TVP23A: variants seen among roughly 807,000 people sequenced by gnomAD.
TVP23A encodes the protein Golgi apparatus membrane protein TVP23 homolog A.
A neutral mutation model predicts 31.7 loss-of-function variants in TVP23A; 21 were observed. The observed-to-expected ratio is 0.66, with a 90% CI of 0.47 to 0.95. TVP23A has a LOEUF of 0.95. Ranked by LOEUF, TVP23A falls within the 40% of genes least tolerant of loss-of-function variation. The pLI is 0.00. For missense variants in TVP23A, 279 were observed against 255.6 expected, an observed-to-expected ratio of 1.09 and a Z score of -0.62; for synonymous variants, 104 against 96.0, an observed-to-expected ratio of 1.08 and a Z score of -0.49.
intron 2 of TVP23A, among the ~76,000 whole-genome samples, chr16:10,788,420 G>A (rs61404022): frequency 2.0e-5 from 3 of 151,814 alleles, no homozygotes; most frequent in Non-Finnish European, 2.9e-5. Context: ...GACTACAGGC[G>A]CCCGCCACCA....
intron 7 of TVP23A, among the ~76,000 whole-genome samples, chr16:10,770,026 T>C (rs1421405858): frequency 6.6e-6 from 1 of 152,166 alleles, no homozygotes; most frequent in Non-Finnish European, 1.5e-5. Context: ...ATGATCAGAT[T>C]TGCACATGTT....
At chr16:10,817,962 T>G in intron 2 of TVP23A, 141 bp downstream of exon 2, 1 of 721,394 alleles carries the variant, frequency 1.4e-6, no homozygotes, top group East Asian at 2.7e-5. Context: ...GCAGGGACTT[T>G]GTCTGATGTG....
intron 6 of TVP23A, among the ~76,000 whole-genome samples, chr16:10,771,440 T>C (rs1035421231): frequency 2.0e-5 from 3 of 151,202 alleles, no homozygotes; most frequent in South Asian, 4.2e-4. Context: ...GAGGCTGAGG[T>C]GGGAGGATCG....
rs1296930239 is a variant in TVP23A at position 10,818,050 on chromosome 16, G to A, written c.89+53C>T. On this transcript the variant is annotated intron_variant, in intron 2 of 7. Transcript: ENST00000299866. The surrounding 1 kb of genome is among the most constrained non-coding windows in gnomAD (Gnocchi z 4.7). ...ATTTTGAATGAATGAGTGAGTAAATGAATGAATTTGCAGCTTTGGGGAACG... is the reference window on the plus strand; with the variant it reads ...ATTTTGAATGAATGAGTGAGTAAATAAATGAATTTGCAGCTTTGGGGAACG... 37 of 1,442,516 alleles carry A rather than the reference G, an allele frequency of 2.6e-5. No homozygotes were observed. Among genetic ancestry groups the A allele is most frequent in the Non-Finnish European group, 3.6e-5 (37 of 1,041,538 alleles). The allele number at this position is 1,442,516 out of a possible 1,614,324, so 89.4% of individuals were successfully genotyped here. A position where few individuals can be genotyped will look rare whatever the true frequency, so the allele number is the denominator to read the frequency against.
Position 10,783,338 on chromosome 16 carries a change from T to C in TVP23A, c.90-8242A>G, listed in dbSNP as rs117763530. Among the ~76,000 whole-genome samples, 545 of 152,300 alleles carry C rather than the reference T, an allele frequency of 3.6e-3. 8 individuals carry two copies. Among genetic ancestry groups the C allele is most frequent in the East Asian group, 0.027 (142 of 5,182 alleles). On this transcript the variant is annotated intron_variant, in intron 2 of 7. Transcript: ENST00000299866. ...ACAAAAAGCAACACACAAATATTTA[T>C]AGCAGCTTCATTCATAATTGCCAAA...
chr16:10,759,599 C>A (rs1032396264), downstream of TVP23A, among the ~76,000 whole-genome samples: 12 of 152,092 alleles, frequency 7.9e-5, no homozygotes, highest in Non-Finnish European at 1.3e-4. This position sits in a 1 kb window ranked among gnomAD's most constrained non-coding sequence, Gnocchi z 4.7. Flanking sequence ...TATGGCAAAA[C>A]CCTGTCTCTA....
At chr16:10,789,358 GAA>G (rs2032961443) in intron 2 of TVP23A, among the ~76,000 whole-genome samples, 1 of 152,114 alleles carries the variant, frequency 6.6e-6, no homozygotes, top group Admixed American at 6.5e-5. Context: ...ATGTGTTGAT[GAA>G]AAGAGTCAAA....
At position 10,768,230 on chromosome 16, in the gene TVP23A, A is replaced by G; in HGVS notation, c.*872T>C. 1 of 433,264 alleles carries G rather than the reference A, an allele frequency of 2.3e-6. No homozygotes were observed. The highest frequency in any genetic ancestry group is 4.1e-6 in the Non-Finnish European group (1 of 242,806). The allele number at this position is 433,264 out of a possible 1,614,324, so 26.8% of individuals were successfully genotyped here. On this transcript the variant is annotated 3_prime_UTR_variant, in exon 8 of 8. Coordinates refer to ENST00000299866, the MANE Select transcript of TVP23A (RefSeq NM_001079512.4). This position sits in a 1 kb window ranked among gnomAD's most constrained non-coding sequence, Gnocchi z 4.3. ...TGAATTAATTCATAGTTTAAAAAAC[A>G]TGGTGAGGGTGAAATTTATGGCTTA...
Position 10,773,345 on chromosome 16 carries a change from TA to T in TVP23A, c.420del (p.Phe140LeufsTer7), listed in dbSNP as rs760251146. ...TTTAGCTTCAAGGAAAATAAGGTGC[TA>T]AAAAAAAACACAATCCATATCATGG... ...ICPMIWIVFF[F>X]STLFSLKLKW... is the part of the protein sequence containing the mutation. On this transcript the variant is annotated frameshift_variant, in exon 5 of 8. Transcript: ENST00000299866. LOFTEE classifies it high-confidence loss of function. 61 of 1,594,558 alleles carry T rather than the reference TA, an allele frequency of 3.8e-5. No homozygotes were observed. Among genetic ancestry groups the T allele is most frequent in the Admixed American group, 3.6e-4 (21 of 57,926 alleles).
Position 10,773,972 on chromosome 16 carries a change from G to T in TVP23A, c.324+67C>A, listed in dbSNP as rs112646459. 906 of 1,274,054 alleles carry T rather than the reference G, an allele frequency of 7.1e-4. 3 individuals carry two copies. In the African/African-American group the frequency reaches 0.01, roughly 14 times the overall value. The allele number at this position is 1,274,054 out of a possible 1,614,324, so 78.9% of individuals were successfully genotyped here. A position where few individuals can be genotyped will look rare whatever the true frequency, so the allele number is the denominator to read the frequency against. On this transcript the variant is annotated intron_variant, in intron 4 of 7. Coordinates refer to ENST00000299866, the MANE Select transcript of TVP23A (RefSeq NM_001079512.4). ...ATCAGATATGCACAAAACTCCAAAG[G>T]AACCCACAGAAACTTTCCACACCCA...
intron 7 of TVP23A, chr16:10,769,400 G>C (rs2031367964): frequency 5.7e-6 from 2 of 347,944 alleles, no homozygotes; most frequent in East Asian, 1.1e-4. Context: ...GTGGGATCGT[G>C]GGATTCTGCT....
chr16:10,774,237 G>T, intron 3 of TVP23A, 109 bp from the exon 4 acceptor site: 1 of 760,356 alleles, frequency 1.3e-6, no homozygotes, highest in Non-Finnish European at 2.0e-6. Context: ...ACTGGGAGCA[G>T]GAAGAAAAAA....
chr16:10,770,168 G>A (rs2031461983), intron 7 of TVP23A, 104 bp downstream of exon 7: 2 of 1,411,402 alleles, frequency 1.4e-6, no homozygotes, highest in African/African-American at 2.9e-5. Flanking sequence ...GCCACCCCAG[G>A]GAACAGGGGA....
chr16:10,759,542 G>A (rs1157047952), downstream of TVP23A, among the ~76,000 whole-genome samples: 5 of 152,222 alleles, frequency 3.3e-5, no homozygotes, highest in African/African-American at 1.2e-4. This position sits in a 1 kb window ranked among gnomAD's most constrained non-coding sequence, Gnocchi z 4.7. Flanking sequence ...GGGAGGCCGA[G>A]GCAGGCAGAT....
Position 10,773,314 on chromosome 16 carries a change from A to T in TVP23A, c.452T>A (p.Leu151Gln). The T allele has an allele frequency of 6.2e-7, 1 of 1,602,718 alleles. No homozygotes were observed. Among genetic ancestry groups the T allele is most frequent in the Non-Finnish European group, 8.5e-7 (1 of 1,176,876 alleles). The change falls in exon 5 of 8, where the codon CTG becomes CAG. Residue 151 changes from leucine to glutamine, a missense_variant and splice_region_variant. Transcript: ENST00000299866. Reference protein sequence around the residue: ...STLFSLKLKWLALVVAGISLQ... With the variant: ...STLFSLKLKWQALVVAGISLQ... ...GTGGAAGTCAAGATCTGGCCTTACC[A>T]GCCACTTTAGCTTCAAGGAAAATAA...
chr16:10,774,697 G>A (rs1400233518), intron 3 of TVP23A, among the ~76,000 whole-genome samples: 2 of 145,992 alleles, frequency 1.4e-5, no homozygotes, highest in Non-Finnish European at 3.0e-5. Context: ...TGCAACCTCC[G>A]CCTCCCGGGT....
chr16:10,771,065 A>T (rs1299843542), intron 6 of TVP23A, among the ~76,000 whole-genome samples: 1 of 152,068 alleles, frequency 6.6e-6, no homozygotes, highest in African/African-American at 2.4e-5. Flanking sequence ...TAGGGCTAGG[A>T]GGCGAGGAGG....
intron 5 of TVP23A, among the ~76,000 whole-genome samples, chr16:10,772,335 T>C (rs925786323): frequency 6.6e-5 from 10 of 152,108 alleles, no homozygotes; most frequent in Non-Finnish European, 1.2e-4. Context: ...TAAATGACAC[T>C]GTTGTTTTAC....
At position 10,799,364 on chromosome 16, in the gene TVP23A, C is replaced by T. The variant is rs576227220; in HGVS notation, c.89+18739G>A. On this transcript the variant is annotated intron_variant, in intron 2 of 7. Transcript: ENST00000299866. Reference sequence around the variant, plus strand: ...TTTTTGTTTGCTTGAGACAGAGTCTCACTCTGTTGCCCAGGCTGGAGTATA... The same window carrying T: ...TTTTTGTTTGCTTGAGACAGAGTCTTACTCTGTTGCCCAGGCTGGAGTATA... Among the ~76,000 whole-genome samples, 10 of 152,332 alleles carry T rather than the reference C, an allele frequency of 6.6e-5. No homozygotes were observed. The South Asian group carries it at 2.1e-3, about 32-fold the overall frequency.
Sources: gnomAD v4.1 joint callset for allele counts (sites outside exome capture counted in the v4.1 genomes callset) on GRCh38, gnomAD v4.1.1 for gene constraint, Gnocchi (gnomAD v3.1) non-coding constraint, MANE v1.5 for transcripts, NCBI Gene and HGNC (gene_info 2026-07-23, HGNC 2026-07-21) for gene names.